Variants in CDK9 observed in about 807,000 individuals in gnomAD.
CDK9 encodes the protein cyclin dependent kinase 9.
In CDK9, 34 loss-of-function variants were observed where a neutral mutation model predicts 39.0. The ratio of observed to expected loss-of-function variants is 0.87; its 90% CI spans 0.66 to 1.16. CDK9 has a LOEUF of 1.16. CDK9 is among the 50% of genes most tolerant of loss of function. The pLI is 0.00. For missense variants in CDK9, 369 were observed against 503.2 expected (o/e 0.73, Z 2.55); for synonymous variants, 233 against 196.2 (o/e 1.19, Z -1.57).
rs1829365727 is a variant in CDK9 at position 127,788,201 on chromosome 9, G to C, written c.433-13G>C. On this transcript the variant is annotated splice_polypyrimidine_tract_variant and intron_variant, in intron 4 of 6. Coordinates refer to ENST00000373264, the MANE Select transcript of CDK9 (RefSeq NM_001261.4). ...GGATGTCACTAAAGGACCCACTCTT[G>C]CCCTTCCTGCAGATCCTGCATAGGG... The C allele has an allele frequency of 2.5e-6, 4 of 1,613,806 alleles. No homozygotes were observed. In the Admixed American group the frequency reaches 6.7e-5, roughly 27 times the overall value.
chr9:127,790,045 T>TTG lies in CDK9; in HGVS notation c.*503_*504dup, dbSNP rs1384804780. On this transcript the variant is annotated 3_prime_UTR_variant, in exon 7 of 7. Transcript: ENST00000373264. Reference sequence around the variant, plus strand: ...GTTTGGAGACATTCCTGGGCACAGTTTGGTCCGTTAGAATTAAAAGTTGAA... The same window carrying TTG: ...GTTTGGAGACATTCCTGGGCACAGTTTGTGGTCCGTTAGAATTAAAAGTTGAA... 1 of 154,126 alleles carries TTG rather than the reference T, an allele frequency of 6.5e-6. No homozygotes were observed. The highest frequency in any genetic ancestry group is 1.4e-5 in the Non-Finnish European group (1 of 69,210). 9.5% of individuals were successfully genotyped at this position (154,126 alleles called of 1,614,324 possible). A position where few individuals can be genotyped will look rare whatever the true frequency, so the allele number is the denominator to read the frequency against.
At position 127,786,127 on chromosome 9, in the gene CDK9, C is replaced by T. The variant is rs774680949; in HGVS notation, c.-22C>T. ...CGGCGGCAGCAGCGACTGGGGGCGG[C>T]GGCGGCGCGTTGGAGGCGGCCATGG... On this transcript the variant is annotated 5_prime_UTR_variant, in exon 1 of 7. Transcript: ENST00000373264. The T allele has an allele frequency of 1.1e-5, 17 of 1,570,814 alleles. No homozygotes were observed. In the African/African-American group the frequency reaches 1.5e-4, roughly 14 times the overall value.
At chr9:127,787,756 G>A (rs1254857857) in intron 3 of CDK9, 148 bp downstream of exon 3, 4 of 845,474 alleles carry the variant, frequency 4.7e-6, no homozygotes, top group Non-Finnish European at 7.6e-6. Flanking sequence ...ATCGTAGCTG[G>A]TGCTTCCTCG....
intron 2 of CDK9, 100 bp from the exon 3 acceptor site, chr9:127,787,418 T>A: frequency 1.4e-6 from 1 of 716,236 alleles, no homozygotes; most frequent in Middle Eastern, 2.5e-4. Context: ...TCAGAGCCCA[T>A]GATCTTGCTC....
chr9:127,788,702 C>A lies in CDK9; in HGVS notation c.753+10C>A, dbSNP rs932742068. ...CTCCATCACCCCTGAGGTACGGGGCCCCGGTCCCCACGGGGTGCAGAGATC... is the reference window on the plus strand; with the variant it reads ...CTCCATCACCCCTGAGGTACGGGGCACCGGTCCCCACGGGGTGCAGAGATC... On this transcript the variant is annotated intron_variant, in intron 6 of 6. Coordinates refer to ENST00000373264, the MANE Select transcript of CDK9 (RefSeq NM_001261.4). 3 of 1,583,582 alleles carry A rather than the reference C, an allele frequency of 1.9e-6. No individual in the cohort carries two copies. In the South Asian group the frequency reaches 3.5e-5, roughly 18 times the overall value.
At position 127,788,383 on chromosome 9, in the gene CDK9, T is replaced by C. The variant is rs774881075; in HGVS notation, c.602T>C (p.Leu201Pro). ...TLWYRPPELL[L>P]GERDYGPPID... ...TGGTACCGGCCCCCGGAGCTGTTGC[T>C]CGGTGAGGACTCCCGAGCGGGCCAA... The change falls in exon 5 of 7, where the codon CTC (leucine) becomes CCC (proline). Residue 201 changes from leucine (L) to proline (P), a missense_variant and splice_region_variant. Leu to Pro is a moderately conservative substitution (Grantham distance 98). Coordinates refer to ENST00000373264, the MANE Select transcript of CDK9 (RefSeq NM_001261.4). 6.2e-6 allele frequency: 10 copies of C among 1,611,596 alleles called. No individual in the cohort carries two copies. Among genetic ancestry groups the C allele is most frequent in the Non-Finnish European group, 7.6e-6 (9 of 1,179,538 alleles).
At position 127,786,745 on chromosome 9, in the gene CDK9, C is replaced by T; in HGVS notation, c.137C>T (p.Ala46Val). The T allele has an allele frequency of 6.2e-7, 1 of 1,614,018 alleles. No homozygotes were observed. The highest frequency in any genetic ancestry group is 1.1e-5 in the South Asian group (1 of 91,040). ...ARHRKTGQKV[A>V]LKKVLMENEK... Reference sequence around the variant, plus strand: ...CACCGCAAGACCGGCCAGAAGGTGGCTCTGAAGAAGGTGCTGATGGAAAAC... The same window carrying T: ...CACCGCAAGACCGGCCAGAAGGTGGTTCTGAAGAAGGTGCTGATGGAAAAC... The change falls in exon 2 of 7, where the codon GCT becomes GTT. Residue 46 changes from alanine to valine, a missense_variant. Physicochemically the swap from Ala to Val is moderately conservative, Grantham distance 64 (BLOSUM62 0). Coordinates refer to ENST00000373264, the MANE Select transcript of CDK9 (RefSeq NM_001261.4).
At chr9:127,786,676 C>T (rs1489378153) in intron 1 of CDK9, 25 bp from the exon 2 acceptor site, 2 of 1,608,240 alleles carry the variant, frequency 1.2e-6, no homozygotes, top group East Asian at 2.2e-5. Context: ...CTGATGAGTT[C>T]TCGGGTCTCC....
intron 1 of CDK9, 147 bp downstream of exon 1, chr9:127,786,387 C>G: frequency 1.3e-6 from 1 of 753,350 alleles, no homozygotes; most frequent in Non-Finnish European, 2.2e-6. Context: ...CACCCCGCCC[C>G]GGCCTGACGG....
intron 5 of CDK9, 54 bp downstream of exon 5, chr9:127,788,439 C>G (rs1321612151): frequency 1.3e-6 from 2 of 1,566,658 alleles, no homozygotes; most frequent in African/African-American, 1.4e-5. Flanking sequence ...CTACCTGGCC[C>G]CTTCCCCCCA....
chr9:127,788,370 C>T lies in CDK9; in HGVS notation c.589C>T (p.Pro197Ser). 6.2e-7 allele frequency: 1 copy of T among 1,612,350 alleles called. No individual in the cohort carries two copies. Among genetic ancestry groups the T allele is most frequent in the Non-Finnish European group, 8.5e-7 (1 of 1,179,808 alleles). ...NRVVTLWYRP[P>S]ELLLGERDYG... is the part of the protein sequence containing the mutation. ...TGTGGTGACACTCTGGTACCGGCCCCCGGAGCTGTTGCTCGGTGAGGACTC... is the reference window on the plus strand; with the variant it reads ...TGTGGTGACACTCTGGTACCGGCCCTCGGAGCTGTTGCTCGGTGAGGACTC... The change falls in exon 5 of 7, where the codon CCG (proline) becomes TCG (serine). Residue 197 changes from proline (P) to serine (S), a missense_variant. Coordinates refer to ENST00000373264, the MANE Select transcript of CDK9 (RefSeq NM_001261.4).
Position 127,788,738 on chromosome 9 carries a change from G to A in CDK9, c.753+46G>A, listed in dbSNP as rs3217745. On this transcript the variant is annotated intron_variant, in intron 6 of 6. Transcript: ENST00000373264. ...CGGGGTGCAGAGATCGAGGTCCCCC[G>A]GCAGAGGAGGAGTGGGGAGTAGAAT... is the stretch of plus-strand genomic sequence containing the variant. 104 of 1,521,756 alleles carry A rather than the reference G, an allele frequency of 6.8e-5. No individual in the cohort carries two copies. In the South Asian group the frequency reaches 1.2e-3, roughly 17 times the overall value. 94.3% of individuals were successfully genotyped at this position (1,521,756 alleles called of 1,614,324 possible).
rs1829405957 is a variant in CDK9, at chr9:127,790,322, G to A, written c.*779G>A. 1.3e-5 allele frequency: 2 copies of A among 152,300 alleles called. No individual in the cohort carries two copies. Among genetic ancestry groups the A allele is most frequent in the African/African-American group, 2.4e-5 (1 of 41,438 alleles). The allele number at this position is 152,300 out of a possible 1,614,324, so 9.4% of individuals were successfully genotyped here. A position where few individuals can be genotyped will look rare whatever the true frequency, so the allele number is the denominator to read the frequency against. Reference sequence around the variant, plus strand: ...TCTCATGTCCCTGGTGAGGGAATTGGTGAGGGCCTGCTGTGAGCTGCTGTG... The same window carrying A: ...TCTCATGTCCCTGGTGAGGGAATTGATGAGGGCCTGCTGTGAGCTGCTGTG... On this transcript the variant is annotated 3_prime_UTR_variant, in exon 7 of 7. Transcript: ENST00000373264.
Position 127,786,055 on chromosome 9 carries a change from C to A in CDK9, c.-94C>A. The A allele has an allele frequency of 9.3e-6, 7 of 756,030 alleles. No homozygotes were observed. The highest frequency in any genetic ancestry group is 3.2e-5 in the South Asian group (1 of 31,286). 46.8% of individuals were successfully genotyped at this position (756,030 alleles called of 1,614,324 possible). On this transcript the variant is annotated 5_prime_UTR_variant, in exon 1 of 7. Coordinates refer to ENST00000373264, the MANE Select transcript of CDK9 (RefSeq NM_001261.4). ...GGCCGTGGAGGCGGAAGTGGCGCGG[C>A]CGCGGAGGGGCCTGGAGTGCGGCGG...
chr9:127,789,378 C>T lies in CDK9; in HGVS notation c.954C>T (p.Asp318=). ...DALNHDFFWS[D]PMPSDLKGML... is the part of the protein sequence containing the mutation. ...TCAACCACGACTTCTTCTGGTCCGACCCCATGCCCTCCGACCTCAAGGGCA... is the reference window on the plus strand; with the variant it reads ...TCAACCACGACTTCTTCTGGTCCGATCCCATGCCCTCCGACCTCAAGGGCA... Residue 318 remains aspartate, a synonymous_variant, in exon 7 of 7, where the codon GAC becomes GAT. Transcript: ENST00000373264. This position sits in a 1 kb window ranked among gnomAD's most constrained non-coding sequence, Gnocchi z 5.2. 2 of 1,614,004 alleles carry T rather than the reference C, an allele frequency of 1.2e-6. No homozygotes were observed. The highest frequency in any genetic ancestry group is 1.7e-6 in the Non-Finnish European group (2 of 1,180,028).
rs899707056 is a variant in CDK9, at chr9:127,789,832, C to T, written c.*289C>T. ...AGTGACTTTTTCTAAGAGCTCCCGG[C>T]GTGGTGGAAGAGGGGACAGGTCCCT... On this transcript the variant is annotated 3_prime_UTR_variant, in exon 7 of 7. Coordinates refer to ENST00000373264, the MANE Select transcript of CDK9 (RefSeq NM_001261.4). This position sits in a 1 kb window ranked among gnomAD's most constrained non-coding sequence, Gnocchi z 5.2. The T allele has an allele frequency of 1.5e-5, 6 of 410,520 alleles. No homozygotes were observed. The highest frequency in any genetic ancestry group is 2.7e-5 in the Non-Finnish European group (6 of 224,774). The allele number at this position is 410,520 out of a possible 1,614,324, so 25.4% of individuals were successfully genotyped here. A position where few individuals can be genotyped will look rare whatever the true frequency, so the allele number is the denominator to read the frequency against.
At position 127,786,752 on chromosome 9, in the gene CDK9, G is replaced by A; in HGVS notation, c.144G>A (p.Lys48=). 1 of 1,614,134 alleles carries A rather than the reference G, an allele frequency of 6.2e-7. No homozygotes were observed. Among genetic ancestry groups the A allele is most frequent in the Non-Finnish European group, 8.5e-7 (1 of 1,179,990 alleles). The change falls in exon 2 of 7, where the codon AAG becomes AAA. Residue 48 remains lysine, a synonymous_variant. Coordinates refer to ENST00000373264, the MANE Select transcript of CDK9 (RefSeq NM_001261.4). ...AGACCGGCCAGAAGGTGGCTCTGAA[G>A]AAGGTGCTGATGGAAAACGAGAAGG... is the stretch of plus-strand genomic sequence containing the variant. ...HRKTGQKVAL[K]KVLMENEKEG...
At chr9:127,787,140 C>T (rs137963296) in intron 2 of CDK9, among the ~76,000 whole-genome samples, 4 of 152,260 alleles carry the variant, frequency 2.6e-5, no homozygotes, top group Non-Finnish European at 5.9e-5. Flanking sequence ...TTAAAAGGAG[C>T]GGTCCCTTCT....
In CDK9 at chr9:127,789,492, G is replaced by C; in HGVS notation, c.1068G>C (p.Gln356His). The C allele has an allele frequency of 6.2e-7, 1 of 1,614,122 alleles. No individual in the cohort carries two copies. The highest frequency in any genetic ancestry group is 8.5e-7 in the Non-Finnish European group (1 of 1,180,026). ...AGATCACCCAGCAGTCCACCAACCA[G>C]AGTCGCAATCCCGCCACCACCAACC... ...GSQITQQSTN[Q>H]SRNPATTNQT... The change falls in exon 7 of 7, where the codon CAG becomes CAC. Residue 356 changes from glutamine to histidine, a missense_variant. Transcript: ENST00000373264. The surrounding 1 kb of genome is among the most constrained non-coding windows in gnomAD (Gnocchi z 5.2).
Sources: gnomAD v4.1 joint callset for allele counts (sites outside exome capture counted in the v4.1 genomes callset) on GRCh38, gnomAD v4.1.1 for gene constraint, Gnocchi (gnomAD v3.1) non-coding constraint, MANE v1.5 for transcripts, NCBI Gene and HGNC (gene_info 2026-07-23, HGNC 2026-07-21) for gene names.